ELFN1: variants seen among roughly 807,000 people sequenced by gnomAD.
ELFN1 encodes extracellular leucine rich repeat and fibronectin type III domain containing 1.
ELFN1 carries 6 observed loss-of-function variants against 7.6 expected under a neutral mutation model. That is an observed-to-expected ratio of 0.79 (90% CI 0.43 to 1.56). ELFN1 has a LOEUF of 1.56. Ranked by LOEUF, ELFN1 falls within the 40% of genes most tolerant of loss-of-function variation. ELFN1 has a pLI of 0.01. For missense variants in ELFN1, 1,169 were observed against 1,232.2 expected (o/e 0.95, Z 0.77); for synonymous variants, 657 against 588.1 (o/e 1.12, Z -1.70).
intron 1 of ELFN1, among the ~76,000 whole-genome samples, chr7:1,681,229 T>C (rs910017040): frequency 1.3e-5 from 2 of 152,252 alleles, no homozygotes; most frequent in Non-Finnish European, 1.5e-5. Context: ...ACCGTTTTAC[T>C]TATCCATTAT....
chr7:1,720,627 C>T (rs1039020752), intron 3 of ELFN1, among the ~76,000 whole-genome samples: 1 of 152,124 alleles, frequency 6.6e-6, no homozygotes, highest in African/African-American at 2.4e-5. Context: ...GGTTGTGATG[C>T]CTTTCTGAGC....
chr7:1,722,033 T>C (rs1780038224), intron 3 of ELFN1, among the ~76,000 whole-genome samples: 1 of 152,104 alleles, frequency 6.6e-6, no homozygotes, highest in Non-Finnish European at 1.5e-5. Context: ...TGCGCAGCCC[T>C]GGGAATGGCT....
chr7:1,746,336 C>T lies in ELFN1; in HGVS notation c.1740C>T (p.Ser580=), dbSNP rs765223697. 1.3e-6 allele frequency: 2 copies of T among 1,546,598 alleles called. No homozygotes were observed. The highest frequency in any genetic ancestry group is 1.7e-6 in the Non-Finnish European group (2 of 1,144,920). ...NNCIDALKSE[S]TSFQGVKSGP... ...GCATCGACGCGCTCAAGTCCGAGTCCACCTCCTTCCAGGGCGTCAAGTCGG... is the reference window on the plus strand; with the variant it reads ...GCATCGACGCGCTCAAGTCCGAGTCTACCTCCTTCCAGGGCGTCAAGTCGG... Residue 580 remains serine, a synonymous_variant, in exon 4 of 4, where the codon TCC becomes TCT. Transcript: ENST00000424383.
At chr7:1,703,881 A>C (rs1398531407) in intron 2 of ELFN1, among the ~76,000 whole-genome samples, 1 of 152,142 alleles carries the variant, frequency 6.6e-6, no homozygotes, top group African/African-American at 2.4e-5. Flanking sequence ...GGTACTGATG[A>C]CACCTGTCCT....
At chr7:1,713,132 GC>G (rs1348972912) in intron 3 of ELFN1, among the ~76,000 whole-genome samples, 5 of 152,196 alleles carry the variant, frequency 3.3e-5, no homozygotes, top group African/African-American at 1.2e-4. Flanking sequence ...GATCACCCCA[GC>G]CCCATAGCCT....
intron 2 of ELFN1, among the ~76,000 whole-genome samples, chr7:1,703,514 C>G (rs1008395345): frequency 1.3e-5 from 2 of 152,066 alleles, no homozygotes; most frequent in African/African-American, 4.8e-5. Context: ...CTTAATATTT[C>G]ATATTTAACT....
chr7:1,701,511 C>G (rs748757053), intron 2 of ELFN1, among the ~76,000 whole-genome samples: 1 of 152,138 alleles, frequency 6.6e-6, no homozygotes, highest in Non-Finnish European at 1.5e-5. Context: ...GTCTCTCAGT[C>G]ATCAATATAT....
upstream of ELFN1, among the ~76,000 whole-genome samples, chr7:1,669,552 C>G (rs1474148467): frequency 6.6e-6 from 1 of 152,234 alleles, no homozygotes; most frequent in Non-Finnish European, 1.5e-5. Flanking sequence ...CTGGGCCTCT[C>G]TTGACTCAGT....
rs1358048465 is a variant in ELFN1 at position 1,693,443 on chromosome 7, G to A, written c.-456+5293G>A. ...ATATGTGTACACATAGGTGACATGG[G>A]CTTAGACTGCCTGGTGCACCCAGAC... On this transcript the variant is annotated intron_variant, in intron 2 of 3. Coordinates refer to ENST00000424383, the MANE Select transcript of ELFN1 (RefSeq NM_001128636.4). 1.3e-5 allele frequency: 6 copies of A among 471,164 alleles called. No homozygotes were observed. The Admixed American group carries it at 1.4e-4, about 11-fold the overall frequency. 29.2% of individuals were successfully genotyped at this position (471,164 alleles called of 1,614,324 possible).
intron 3 of ELFN1, among the ~76,000 whole-genome samples, chr7:1,726,073 T>C (rs986970917): frequency 1.4e-4 from 21 of 151,574 alleles, no homozygotes; most frequent in Non-Finnish European, 2.9e-5. Flanking sequence ...ACACACACAA[T>C]ACACACACAA....
chr7:1,739,721 G>A lies in ELFN1; in HGVS notation c.-293-4583G>A, dbSNP rs1409573010. ...CAGGAGGGAGCCAGCAGCTTCCTGG[G>A]CCAAGGGCTGCCGAGAGGCTGAGCA... is the stretch of plus-strand genomic sequence containing the variant. On this transcript the variant is annotated intron_variant, in intron 3 of 3. Transcript: ENST00000424383. The surrounding 1 kb of genome is among the most constrained non-coding windows in gnomAD (Gnocchi z 4.6). Among the ~76,000 whole-genome samples, 2 of 152,156 alleles carry A rather than the reference G, an allele frequency of 1.3e-5. No homozygotes were observed. Among genetic ancestry groups the A allele is most frequent in the Non-Finnish European group, 2.9e-5 (2 of 68,016 alleles).
chr7:1,707,944 C>T (rs1246579557), intron 2 of ELFN1, among the ~76,000 whole-genome samples: 1 of 152,190 alleles, frequency 6.6e-6, no homozygotes, highest in African/African-American at 2.4e-5. Context: ...CCCTCCTGGC[C>T]CCCACTAGGG....
Position 1,746,655 on chromosome 7 carries a change from G to T in ELFN1, c.2059G>T (p.Ala687Ser). 1.5e-6 allele frequency: 2 copies of T among 1,363,726 alleles called. No homozygotes were observed. Among genetic ancestry groups the T allele is most frequent in the Non-Finnish European group, 9.4e-7 (1 of 1,064,160 alleles). 84.5% of individuals were successfully genotyped at this position (1,363,726 alleles called of 1,614,324 possible). The change falls in exon 4 of 4, where the codon GCC becomes TCC. Residue 687 changes from alanine (A) to serine (S), a missense_variant. Physicochemically the swap from Ala to Ser is moderately conservative, Grantham distance 99 (BLOSUM62 1). Around this residue, in one of 2 missense-constraint regions of ELFN1, gnomAD observed 914 missense variants for 872.6 expected, o/e 1.05. Coordinates refer to ENST00000424383, the MANE Select transcript of ELFN1 (RefSeq NM_001128636.4). Reference sequence around the variant, plus strand: ...CGCCATCCTCACTGTGACACCCGCGGCCGCCGTGCTGCGGGCCGAGGCCGA... The same window carrying T: ...CGCCATCCTCACTGTGACACCCGCGTCCGCCGTGCTGCGGGCCGAGGCCGA... ...ADAILTVTPA[A>S]AVLRAEAEKG...
In ELFN1 at chr7:1,747,006, G is replaced by A; in HGVS notation, c.2410G>A (p.Val804Ile). ...MAAGHALRKK[V>I]QFAKDEDLHD... is the part of the protein sequence containing the mutation. ...CGCGGGCCATGCCCTGCGCAAGAAG[G>A]TTCAGTTCGCCAAAGACGAGGATCT... is the stretch of plus-strand genomic sequence containing the variant. The change falls in exon 4 of 4, where the codon GTT becomes ATT. Residue 804 changes from valine to isoleucine, a missense_variant. Coordinates refer to ENST00000424383, the MANE Select transcript of ELFN1 (RefSeq NM_001128636.4). 6.4e-7 allele frequency: 1 copy of A among 1,565,894 alleles called. No homozygotes were observed. Among genetic ancestry groups the A allele is most frequent in the Non-Finnish European group, 8.6e-7 (1 of 1,156,312 alleles).
At chr7:1,702,190 C>T (rs1260652765) in intron 2 of ELFN1, among the ~76,000 whole-genome samples, 1 of 152,072 alleles carries the variant, frequency 6.6e-6, no homozygotes, top group Non-Finnish European at 1.5e-5. Context: ...TTTGGGAGGC[C>T]AAGGTGGGCA....
chr7:1,685,415 C>T (rs1779045549), intron 1 of ELFN1, among the ~76,000 whole-genome samples: 1 of 152,110 alleles, frequency 6.6e-6, no homozygotes, highest in South Asian at 2.1e-4. Context: ...TTCTCTCTCT[C>T]CTGTTCTCTT....
chr7:1,700,225 A>C (rs1281084007), intron 2 of ELFN1, among the ~76,000 whole-genome samples: 1 of 151,906 alleles, frequency 6.6e-6, no homozygotes, highest in African/African-American at 2.4e-5. Flanking sequence ...CAGGGTGCGA[A>C]AGTCCCATCT....
chr7:1,666,795 G>A (rs377258550), upstream of ELFN1, among the ~76,000 whole-genome samples: 1 of 150,622 alleles, frequency 6.6e-6, no homozygotes. This position sits in a 1 kb window ranked among gnomAD's most constrained non-coding sequence, Gnocchi z 7.9. Context: ...AAGCCGGCGT[G>A]GGGGGGCGCA....
intron 1 of ELFN1, among the ~76,000 whole-genome samples, chr7:1,674,497 C>T (rs1212138665): frequency 6.6e-6 from 1 of 152,116 alleles, no homozygotes; most frequent in Non-Finnish European, 1.5e-5. Context: ...CTAGCTGGCC[C>T]CTATAGGGTG....
Sources: gnomAD v4.1 joint callset for allele counts (sites outside exome capture counted in the v4.1 genomes callset) on GRCh38, gnomAD v4.1.1 for gene constraint, gnomAD v4.1.1 regional missense constraint, Gnocchi (gnomAD v3.1) non-coding constraint, MANE v1.5 for transcripts, NCBI Gene and HGNC (gene_info 2026-07-23, HGNC 2026-07-21) for gene names.